Variants in USP22 observed in about 807,000 individuals in gnomAD.
The protein encoded by USP22 is ubiquitin specific peptidase 22.
USP22 carries 22 observed loss-of-function variants against 68.1 expected under a neutral mutation model. The observed-to-expected ratio is 0.32, with a 90% CI of 0.23 to 0.46. USP22 has a LOEUF of 0.46. Ranked by LOEUF, USP22 falls within the 20% of genes least tolerant of loss-of-function variation. The probability of loss-of-function intolerance (pLI) is 1.00; values close to 1 mark genes in which losing one functional copy is unlikely to be tolerated. For missense variants in USP22, 433 were observed against 695.8 expected (o/e 0.62, Z 4.25); for synonymous variants, 279 against 274.2 (o/e 1.02, Z -0.17).
intron 2 of USP22, among the ~76,000 whole-genome samples, chr17:21,027,383 TAG>T (rs1972235917): frequency 6.6e-6 from 1 of 151,564 alleles, no homozygotes; most frequent in African/African-American, 2.4e-5. Flanking sequence ...GTACTCCTTG[TAG>T]AGAGCTGTAA....
Position 21,000,463 on chromosome 17 carries a change from T to C in USP22, c.*2568A>G, listed in dbSNP as rs1044420. 95,702 of 152,172 alleles carry C rather than the reference T, an allele frequency of 0.63. 33,369 individuals are homozygous for C. Among genetic ancestry groups the C allele is most frequent in the South Asian group, 0.82 (3,967 of 4,822 alleles). 9.4% of individuals were successfully genotyped at this position (152,172 alleles called of 1,614,324 possible). On this transcript the variant is annotated 3_prime_UTR_variant, in exon 13 of 13. Coordinates refer to ENST00000261497, the MANE Select transcript of USP22 (RefSeq NM_015276.2). ...GGGGACTAACTTGGATACGAAAGTT[T>C]AGAATAATGCCCACCAAAAATCCAT...
chr17:21,034,081 T>A (rs1217188582), intron 1 of USP22, among the ~76,000 whole-genome samples: 1 of 151,158 alleles, frequency 6.6e-6, no homozygotes, highest in Non-Finnish European at 1.5e-5. Context: ...AAAAAAAAAA[T>A]ACGGCACTAA....
Position 21,015,732 on chromosome 17 carries a change from G to T in USP22, c.838+20C>A. 6.2e-7 allele frequency: 1 copy of T among 1,608,180 alleles called. No homozygotes were observed. The highest frequency in any genetic ancestry group is 8.5e-7 in the Non-Finnish European group (1 of 1,177,766). ...GGAAAACATCCTGCCCTGGTGGAGG[G>T]TGCAGAGCCCAGGGCCCACCTTTGC... On this transcript the variant is annotated intron_variant, in intron 6 of 12. Coordinates refer to ENST00000261497, the MANE Select transcript of USP22 (RefSeq NM_015276.2).
rs1972152235 is a variant in USP22 at position 21,021,180 on chromosome 17, G to A, written c.351C>T (p.Asp117=). 1 of 1,614,034 alleles carries A rather than the reference G, an allele frequency of 6.2e-7. No individual in the cohort carries two copies. Among genetic ancestry groups the A allele is most frequent in the South Asian group, 1.1e-5 (1 of 91,084 alleles). ...TTTCCATGTCTTTGTCATAGATGTA[G>A]TCCTGGCACAGAAAACAGTAGATGC... ...YGGIYCFLCQ[D]YIYDKDMEII... Residue 117 remains aspartate (D), a synonymous_variant, in exon 3 of 13, where the codon GAC becomes GAT. Transcript: ENST00000261497.
intron 1 of USP22, among the ~76,000 whole-genome samples, chr17:21,040,070 G>A (rs1379059876): frequency 6.6e-6 from 1 of 152,170 alleles, no homozygotes; most frequent in Non-Finnish European, 1.5e-5. Context: ...CACGCCCGTA[G>A]TCCCAGCTAC....
chr17:21,008,198 T>A (rs9895047), intron 8 of USP22, among the ~76,000 whole-genome samples: 95,375 of 152,050 alleles, frequency 0.63, 33,236 homozygotes, highest in South Asian at 0.82. Flanking sequence ...ATCTTAAATA[T>A]TTTTTTTCCA....
intron 2 of USP22, among the ~76,000 whole-genome samples, chr17:21,021,531 T>C (rs1972156469): frequency 6.6e-6 from 1 of 152,200 alleles, no homozygotes. Context: ...GAATGCGTGG[T>C]ATTTAAAACT....
At chr17:21,034,185 C>A (rs968695838) in intron 1 of USP22, among the ~76,000 whole-genome samples, 1 of 152,118 alleles carries the variant, frequency 6.6e-6, no homozygotes, top group Non-Finnish European at 1.5e-5. Context: ...CCCTCAATCT[C>A]GGAGCCAAAA....
In USP22 at chr17:21,019,107, T is replaced by C. The variant is rs766431044; in HGVS notation, c.497A>G (p.Lys166Arg). The C allele has an allele frequency of 1.2e-6, 2 of 1,614,094 alleles. No homozygotes were observed. The highest frequency in any genetic ancestry group is 1.7e-5 in the Admixed American group (1 of 60,010). Residue 166 changes from lysine (K) to arginine (R), a missense_variant, in exon 4 of 13, where the codon AAG becomes AGG. Physicochemically the swap from Lys to Arg is conservative, Grantham distance 26. Coordinates refer to ENST00000261497, the MANE Select transcript of USP22 (RefSeq NM_015276.2). The stretch of plus-strand genomic sequence containing the variant: ...ACCTATGGTGCAGTTCGAGGTGATC[T>C]TTCTCCTTTTCGGGTTGTGCTTCAG... ...ELLKHNPKRRKITSNCTIGLR... is the reference protein window; with the variant it reads ...ELLKHNPKRRRITSNCTIGLR...
At chr17:21,029,212 G>A (rs1402841344) in intron 1 of USP22, among the ~76,000 whole-genome samples, 3 of 152,178 alleles carry the variant, frequency 2.0e-5, no homozygotes, top group East Asian at 3.8e-4. Flanking sequence ...GATGAGCACA[G>A]TGGTAAACAA....
chr17:21,021,866 G>A (rs747567548), intron 2 of USP22, among the ~76,000 whole-genome samples: 9 of 152,168 alleles, frequency 5.9e-5, no homozygotes, highest in Non-Finnish European at 1.2e-4. Flanking sequence ...TTGGGAAGCC[G>A]ATGTAGGCAG....
At chr17:21,031,312 T>C (rs953115218) in intron 1 of USP22, among the ~76,000 whole-genome samples, 1 of 152,238 alleles carries the variant, frequency 6.6e-6, no homozygotes, top group African/African-American at 2.4e-5. Flanking sequence ...CTACAGTTAA[T>C]TGAGTAAAGT....
At chr17:21,034,173 G>A (rs1440930340) in intron 1 of USP22, among the ~76,000 whole-genome samples, 1 of 152,012 alleles carries the variant, frequency 6.6e-6, no homozygotes, top group South Asian at 2.1e-4. Context: ...CCAGACTCAG[G>A]CCCCTCAATC....
chr17:21,008,087 T>C (rs1273296209), intron 8 of USP22, 91 bp from the exon 9 acceptor site: 2 of 1,440,448 alleles, frequency 1.4e-6, no homozygotes, highest in African/African-American at 1.4e-5. Context: ...TTTCATTGGG[T>C]TGATTTCCCT....
chr17:21,013,345 A>G (rs773495945), intron 6 of USP22, among the ~76,000 whole-genome samples: 24 of 152,182 alleles, frequency 1.6e-4, no homozygotes, highest in African/African-American at 4.3e-4. Context: ...AGTAGGTATC[A>G]TGGTGCCCCA....
intron 8 of USP22, among the ~76,000 whole-genome samples, chr17:21,008,254 C>T (rs978879945): frequency 2.0e-5 from 3 of 152,118 alleles, no homozygotes; most frequent in African/African-American, 7.2e-5. Context: ...TACCATATGA[C>T]CCAGCAGTTG....
At chr17:21,006,183 T>C (rs1278016811) in intron 10 of USP22, among the ~76,000 whole-genome samples, 1 of 152,188 alleles carries the variant, frequency 6.6e-6, no homozygotes, top group Non-Finnish European at 1.5e-5. Context: ...CACAGGAAAC[T>C]CCTATGTGTC....
intron 10 of USP22, among the ~76,000 whole-genome samples, chr17:21,005,897 A>C (rs2364333): frequency 8.5e-5 from 13 of 152,062 alleles, no homozygotes; most frequent in Non-Finnish European, 2.9e-5. Flanking sequence ...TGATCTGCCT[A>C]GGTCCTAAAG....
intron 1 of USP22, among the ~76,000 whole-genome samples, chr17:21,031,349 T>C (rs1329040248): frequency 1.3e-5 from 2 of 152,242 alleles, no homozygotes; most frequent in African/African-American, 4.8e-5. Context: ...GAACTTATGA[T>C]ATACTCAGCA....
Sources: allele counts gnomAD v4.1 joint callset (sites outside exome capture counted in the v4.1 genomes callset), GRCh38; gene constraint gnomAD v4.1.1; transcripts MANE v1.5; gene names NCBI Gene and HGNC (gene_info 2026-07-23, HGNC 2026-07-21).